CHCHD6: variants seen among roughly 807,000 people sequenced by gnomAD.
The protein encoded by CHCHD6 is coiled-coil-helix-coiled-coil-helix domain containing 6.
In CHCHD6, 28 loss-of-function variants were observed where a neutral mutation model predicts 32.3. The observed-to-expected ratio is 0.87, with a 90% CI of 0.64 to 1.19. CHCHD6 has a LOEUF of 1.19. CHCHD6 is among the 50% of genes most tolerant of loss of function. The probability of loss-of-function intolerance (pLI) is 0.00; values close to 1 mark genes in which losing one functional copy is unlikely to be tolerated. For missense variants in CHCHD6, 333 were observed against 307.0 expected, an observed-to-expected ratio of 1.08 and a Z score of -0.63; for synonymous variants, 122 against 117.5, an observed-to-expected ratio of 1.04 and a Z score of -0.25.
chr3:126,890,100 G>A (rs576704570), intron 5 of CHCHD6, among the ~76,000 whole-genome samples: 4 of 152,390 alleles, frequency 2.6e-5, no homozygotes, highest in African/African-American at 9.6e-5. Context: ...AGGTGCTCCA[G>A]CTCACTGTCG....
At chr3:126,959,315 T>G (rs2078828853) in intron 7 of CHCHD6, among the ~76,000 whole-genome samples, 1 of 152,360 alleles carries the variant, frequency 6.6e-6, no homozygotes, top group African/African-American at 2.4e-5. Flanking sequence ...GAGGCCTGCC[T>G]GCTCTCCCCA....
intron 4 of CHCHD6, among the ~76,000 whole-genome samples, chr3:126,814,468 T>C (rs1939791110): frequency 6.6e-6 from 1 of 152,186 alleles, no homozygotes; most frequent in Non-Finnish European, 1.5e-5. Flanking sequence ...AAAGCAAGAT[T>C]GGAGGATTGG....
chr3:126,708,009 A>G (rs548692953), intron 1 of CHCHD6, among the ~76,000 whole-genome samples: 1 of 152,354 alleles, frequency 6.6e-6, no homozygotes, highest in South Asian at 2.1e-4. Context: ...GAAGAGACAC[A>G]GGCAAAAGAC....
intron 4 of CHCHD6, among the ~76,000 whole-genome samples, chr3:126,845,730 T>C (rs1941272976): frequency 6.6e-6 from 1 of 152,222 alleles, no homozygotes; most frequent in Non-Finnish European, 1.5e-5. Context: ...TCCAATATGC[T>C]AATAAACCCA....
chr3:126,770,836 C>T (rs542777440), intron 4 of CHCHD6, among the ~76,000 whole-genome samples: 30 of 152,296 alleles, frequency 2.0e-4, no homozygotes, highest in African/African-American at 7.2e-4. Flanking sequence ...ATGATGCTGG[C>T]CTCATTGAAT....
At chr3:126,854,509 C>T (rs971597689) in intron 5 of CHCHD6, among the ~76,000 whole-genome samples, 1 of 152,178 alleles carries the variant, frequency 6.6e-6, no homozygotes, top group Non-Finnish European at 1.5e-5. Context: ...TTGATCTTCT[C>T]CACGGATAAT....
At chr3:126,720,996 C>T (rs762736905) in intron 1 of CHCHD6, among the ~76,000 whole-genome samples, 9 of 152,224 alleles carry the variant, frequency 5.9e-5, no homozygotes, top group Non-Finnish European at 7.3e-5. Flanking sequence ...AACGGATCTG[C>T]TGCCTTCTTA....
intron 4 of CHCHD6, among the ~76,000 whole-genome samples, chr3:126,823,784 C>T (rs1049554064): frequency 5.9e-5 from 9 of 152,170 alleles, no homozygotes; most frequent in Admixed American, 2.0e-4. Context: ...TGGTGGCTCA[C>T]GCCTATAATC....
At chr3:126,861,071 A>G (rs907192334) in intron 5 of CHCHD6, among the ~76,000 whole-genome samples, 1 of 152,170 alleles carries the variant, frequency 6.6e-6, no homozygotes, top group African/African-American at 2.4e-5. Context: ...TTTAAAAGGA[A>G]GACACTAGAG....
intron 5 of CHCHD6, among the ~76,000 whole-genome samples, chr3:126,881,185 G>A (rs576259143): frequency 5.3e-5 from 8 of 152,354 alleles, no homozygotes; most frequent in East Asian, 3.9e-4. Flanking sequence ...AACTGTCCTC[G>A]TAGGCCTCCC....
chr3:126,864,728 CCTCTTCCTCCTCCACCATCATCTA>C (rs1942182451), intron 5 of CHCHD6, among the ~76,000 whole-genome samples: 4 of 147,540 alleles, frequency 2.7e-5, no homozygotes, highest in Admixed American at 6.7e-5. Context: ...ACCATCATCT[CCTCTTCCTCCTCCACCATCATCTA>C]CTCCTCCTCC....
intron 4 of CHCHD6, among the ~76,000 whole-genome samples, chr3:126,767,705 C>T (rs1359192452): frequency 6.6e-6 from 1 of 152,124 alleles, no homozygotes; most frequent in Admixed American, 6.5e-5. Context: ...GATAATTAGC[C>T]TAGTACCCAA....
chr3:126,736,976 C>T (rs1008172631), intron 4 of CHCHD6, among the ~76,000 whole-genome samples: 2 of 152,092 alleles, frequency 1.3e-5, no homozygotes, highest in Non-Finnish European at 2.9e-5. Flanking sequence ...CCTGTTGCTT[C>T]CTGACACATA....
chr3:126,705,591 C>T (rs1201146570), intron 1 of CHCHD6, among the ~76,000 whole-genome samples: 1 of 151,788 alleles, frequency 6.6e-6, no homozygotes, highest in African/African-American at 2.4e-5. Context: ...CGGCCTCTTC[C>T]TCCACCTGTG....
rs374126407 is a variant in CHCHD6, at chr3:126,733,185, G to A, written c.374G>A (p.Gly125Asp). 3 of 1,614,044 alleles carry A rather than the reference G, an allele frequency of 1.9e-6. No homozygotes were observed. In the African/African-American group the frequency reaches 4.0e-5, roughly 22 times the overall value. The change falls in exon 4 of 8, where the codon GGC becomes GAC. Residue 125 changes from glycine to aspartate, a missense_variant. By Grantham distance (94) the Gly-to-Asp change is moderately conservative (BLOSUM62 -1). Transcript: ENST00000290913. ...AAGGCATCCCTGCCCACGGGCGAAG[G>A]CAGCATCAGCCATGAGGAGCAGAAG... Reference protein sequence around the residue: ...HSKASLPTGEGSISHEEQKSV... With the variant: ...HSKASLPTGEDSISHEEQKSV...
intron 5 of CHCHD6, among the ~76,000 whole-genome samples, chr3:126,862,276 T>C (rs1941937732): frequency 8.4e-6 from 1 of 119,518 alleles, no homozygotes; most frequent in African/African-American, 3.2e-5. Context: ...CTCCTCCTCC[T>C]CTACCATCAC....
chr3:126,960,183 GTTCTC>G lies in CHCHD6; in HGVS notation c.703-10_703-6del. 6.4e-7 allele frequency: 1 copy of G among 1,551,550 alleles called. No homozygotes were observed. The highest frequency in any genetic ancestry group is 8.7e-7 in the Non-Finnish European group (1 of 1,146,918). ...GTGGGCCCTGACTCAACTCTGACCT[GTTCTC>G]TTTGTAGGGCTGAGGAGCAGACATC... is the stretch of plus-strand genomic sequence containing the variant. On this transcript the variant is annotated splice_region_variant and splice_polypyrimidine_tract_variant and intron_variant, in intron 7 of 7. Coordinates refer to ENST00000290913, the MANE Select transcript of CHCHD6 (RefSeq NM_032343.3).
At position 126,914,751 on chromosome 3, in the gene CHCHD6, G is replaced by A. The variant is rs149609344; in HGVS notation, c.566+1G>A. On this transcript the variant is annotated splice_donor_variant, in intron 6 of 7. Coordinates refer to ENST00000290913, the MANE Select transcript of CHCHD6 (RefSeq NM_032343.3). LOFTEE classifies it high-confidence loss of function. ...CCTCAAAGATGGAGAGCACAATAAAGTAAGAATTTGTTTATTATTCTTTGT... is the reference window on the plus strand; with the variant it reads ...CCTCAAAGATGGAGAGCACAATAAAATAAGAATTTGTTTATTATTCTTTGT... 2.2e-5 allele frequency: 34 copies of A among 1,535,668 alleles called. No individual in the cohort carries two copies. Among genetic ancestry groups the A allele is most frequent in the Non-Finnish European group, 2.9e-5 (32 of 1,108,442 alleles).
intron 4 of CHCHD6, among the ~76,000 whole-genome samples, chr3:126,750,997 T>G (rs895193182): frequency 6.6e-6 from 1 of 152,184 alleles, no homozygotes; most frequent in African/African-American, 2.4e-5. Context: ...CTTGAGGATC[T>G]GGAAGGGTAG....
Sources: allele counts gnomAD v4.1 joint callset (sites outside exome capture counted in the v4.1 genomes callset), GRCh38; gene constraint gnomAD v4.1.1; transcripts MANE v1.5; gene names NCBI Gene and HGNC (gene_info 2026-07-23, HGNC 2026-07-21).